The following ARFGEF3 variants were observed in gnomAD, a reference collection of about 807,000 sequenced individuals.
The protein encoded by ARFGEF3 is ARFGEF family member 3, also known as brefeldin A-inhibited guanine nucleotide-exchange protein 3.
ARFGEF3 carries 96 observed loss-of-function variants against 221.7 expected under a neutral mutation model. The observed-to-expected ratio is 0.43, with a 90% confidence interval of 0.37 to 0.51. The LOEUF is 0.51. ARFGEF3 is among the 20% of genes least tolerant of loss of function. The pLI is 0.00. For synonymous variants in ARFGEF3, 1,145 were observed against 1,126.8 expected (o/e 1.02, Z -0.32); for missense variants, 2,410 against 2,789.9 (o/e 0.86, Z 3.07).
intron 2 of ARFGEF3, among the ~76,000 whole-genome samples, chr6:138,183,257 T>G (rs1321461829): frequency 6.6e-6 from 1 of 152,122 alleles, no homozygotes; most frequent in African/African-American, 2.4e-5. Context: ...AAGCTGTATG[T>G]GGAAGACAAG....
Position 138,270,839 on chromosome 6 carries a change from T to C in ARFGEF3, c.2128+7228T>C, listed in dbSNP as rs529721662. On this transcript the variant is annotated intron_variant, in intron 12 of 33. Transcript: ENST00000251691. ...GGAAGAGGCGGAATAGAGGGAATGATGGATGGCATGGCTGTCAAGACTCTA... is the reference window on the plus strand; with the variant it reads ...GGAAGAGGCGGAATAGAGGGAATGACGGATGGCATGGCTGTCAAGACTCTA... Among the ~76,000 whole-genome samples, 3 of 152,130 alleles carry C rather than the reference T, an allele frequency of 2.0e-5. No individual in the cohort carries two copies. In the South Asian group the frequency reaches 6.2e-4, roughly 32 times the overall value.
chr6:138,215,963 GGTTTT>G (rs1777841480), intron 4 of ARFGEF3: 7 of 144,982 alleles, frequency 4.8e-5, no homozygotes, highest in African/African-American at 1.0e-4. Context: ...TTGGTTTTTT[GGTTTT>G]TTGTTGTTGT....
At chr6:138,280,867 T>C (rs1434334209) in intron 14 of ARFGEF3, among the ~76,000 whole-genome samples, 1 of 151,910 alleles carries the variant, frequency 6.6e-6, no homozygotes, top group African/African-American at 2.4e-5. Flanking sequence ...AAAAAGTTGG[T>C]TTCCTTCCGT....
rs1431473785 is a variant in ARFGEF3, at chr6:138,263,614, T to C, written c.2128+3T>C. On this transcript the variant is annotated splice_donor_region_variant and intron_variant, in intron 12 of 33. Coordinates refer to ENST00000251691, the MANE Select transcript of ARFGEF3 (RefSeq NM_020340.5). ...CTTTGCCTCTACTTTCTGCTCAGGT[T>C]TGTAAACAATTCTCTGCTGTATAGT... The C allele has an allele frequency of 6.3e-7, 1 of 1,590,066 alleles. No homozygotes were observed. The highest frequency in any genetic ancestry group is 8.6e-7 in the Non-Finnish European group (1 of 1,169,388).
At chr6:138,215,906 GA>G (rs1777839131) in intron 4 of ARFGEF3, 1 of 111,444 alleles carries the variant, frequency 9.0e-6, no homozygotes, top group African/African-American at 4.2e-5. Flanking sequence ...GAGAGAGAGA[GA>G]GAGAGTGTTG....
At chr6:138,237,678 T>TTA (rs2114546023) in intron 5 of ARFGEF3, among the ~76,000 whole-genome samples, 1 of 152,260 alleles carries the variant, frequency 6.6e-6, no homozygotes, top group South Asian at 2.1e-4. Flanking sequence ...TTAGGCATTG[T>TTA]TATTCCTGGG....
chr6:138,292,783 T>A (rs1779436722), intron 19 of ARFGEF3, among the ~76,000 whole-genome samples: 2 of 152,244 alleles, frequency 1.3e-5, no homozygotes, highest in South Asian at 4.1e-4. Flanking sequence ...CCGGGTCATG[T>A]CTGTAGACAT....
At chr6:138,312,172 T>A (rs1424259898) in intron 25 of ARFGEF3, among the ~76,000 whole-genome samples, 2 of 152,042 alleles carry the variant, frequency 1.3e-5, no homozygotes, top group Middle Eastern at 3.2e-3. Flanking sequence ...AAATTTTTTT[T>A]AATCTAGTAA....
intron 29 of ARFGEF3, among the ~76,000 whole-genome samples, chr6:138,321,878 A>G (rs1780033180): frequency 6.6e-6 from 1 of 151,288 alleles, no homozygotes. Context: ...CTGGGAAGAA[A>G]AAGAGCTTTA....
intron 19 of ARFGEF3, among the ~76,000 whole-genome samples, chr6:138,292,475 A>G (rs1437005719): frequency 6.6e-6 from 1 of 152,222 alleles, no homozygotes; most frequent in African/African-American, 2.4e-5. Flanking sequence ...GCTGTTTTCA[A>G]AAATCCCACA....
intron 31 of ARFGEF3, among the ~76,000 whole-genome samples, chr6:138,327,504 C>T (rs1780148759): frequency 6.6e-6 from 1 of 152,118 alleles, no homozygotes. Context: ...TATTTTAAGT[C>T]ATGTAAAAGA....
At chr6:138,215,890 AAGAGAG>A (rs61160088) in intron 4 of ARFGEF3, 15,884 of 89,064 alleles carry the variant, frequency 0.18, 1,413 homozygotes, top group East Asian at 0.48. Flanking sequence ...GTGTGTGTGA[AAGAGAG>A]AGAGAGAGAG....
rs995190061 is a variant in ARFGEF3, at chr6:138,307,357, G to C, written c.3933G>C (p.Lys1311Asn). Residue 1311 changes from lysine to asparagine, a missense_variant, in exon 23 of 34, where the codon AAG (lysine) becomes AAC (asparagine). Lys to Asn is a moderately conservative substitution (Grantham distance 94). Around this residue, in one of 5 missense-constraint regions of ARFGEF3, gnomAD observed 723 missense variants for 991.9 expected, o/e 0.73. Coordinates refer to ENST00000251691, the MANE Select transcript of ARFGEF3 (RefSeq NM_020340.5). ...TGGAAACAGTGCATGGCGGGAACAA[G>C]TCAGAGATGAAGGAGTACCTGGTTG... ...SALETVHGGN[K>N]SEMKEYLVGD... 9 of 1,614,010 alleles carry C rather than the reference G, an allele frequency of 5.6e-6. No individual in the cohort carries two copies. In the East Asian group the frequency reaches 6.7e-5, roughly 12 times the overall value.
chr6:138,177,227 TA>T (rs1209368036), intron 2 of ARFGEF3, among the ~76,000 whole-genome samples: 1 of 152,166 alleles, frequency 6.6e-6, no homozygotes, highest in East Asian at 1.9e-4. Flanking sequence ...TAGCTAGGAC[TA>T]CAGGCATATG....
intron 2 of ARFGEF3, among the ~76,000 whole-genome samples, chr6:138,175,128 C>T (rs964283248): frequency 6.6e-6 from 1 of 152,176 alleles, no homozygotes; most frequent in Non-Finnish European, 1.5e-5. Flanking sequence ...TGATGAAATG[C>T]TCACTCTTAT....
At chr6:138,277,192 A>G (rs1172325189) in intron 12 of ARFGEF3, among the ~76,000 whole-genome samples, 1 of 152,008 alleles carries the variant, frequency 6.6e-6, no homozygotes, top group African/African-American at 2.4e-5. Flanking sequence ...ATTTCTTCTA[A>G]TTTATTCTAG....
In ARFGEF3 at chr6:138,278,510, A is replaced by C; in HGVS notation, c.2188A>C (p.Asn730His). ...CAGCCTCAGCTTCCAGATGCTGATGAACGCAGACAGCCTCTACACAGCTGC... is the reference window on the plus strand; with the variant it reads ...CAGCCTCAGCTTCCAGATGCTGATGCACGCAGACAGCCTCTACACAGCTGC... Reference protein sequence around the residue: ...NSSLSFQMLMNADSLYTAAHC... With the variant: ...NSSLSFQMLMHADSLYTAAHC... The change falls in exon 13 of 34, where the codon AAC becomes CAC. Residue 730 changes from asparagine (N) to histidine (H), a missense_variant. Coordinates refer to ENST00000251691, the MANE Select transcript of ARFGEF3 (RefSeq NM_020340.5). The C allele has an allele frequency of 6.2e-7, 1 of 1,613,916 alleles. No individual in the cohort carries two copies. The highest frequency in any genetic ancestry group is 1.3e-5 in the African/African-American group (1 of 75,044).
chr6:138,274,065 T>C (rs1457928658), intron 12 of ARFGEF3, among the ~76,000 whole-genome samples: 3 of 152,226 alleles, frequency 2.0e-5, no homozygotes, highest in Non-Finnish European at 4.4e-5. Context: ...TCCTCACTTC[T>C]CTGCTGATTT....
chr6:138,293,059 A>G (rs1205750528), intron 19 of ARFGEF3, among the ~76,000 whole-genome samples: 1 of 152,262 alleles, frequency 6.6e-6, no homozygotes, highest in Non-Finnish European at 1.5e-5. Context: ...TAAATGTTTA[A>G]TCCGCTAATT....
Sources: allele counts gnomAD v4.1 joint callset (sites outside exome capture counted in the v4.1 genomes callset), GRCh38; gene constraint gnomAD v4.1.1; regional missense constraint gnomAD v4.1.1; transcripts MANE v1.5; gene names NCBI Gene and HGNC (gene_info 2026-07-23, HGNC 2026-07-21).